The following CFAP20DC variants were observed in gnomAD, a reference collection of about 807,000 sequenced individuals.
CFAP20DC encodes the protein CFAP20 domain containing.
Under a neutral mutation model 101.7 loss-of-function variants are expected in CFAP20DC, and 84 were observed. That is an observed-to-expected ratio of 0.83 (90% CI 0.69 to 0.99). CFAP20DC has a LOEUF of 0.99. CFAP20DC is among the 50% of genes least tolerant of loss of function. The pLI is 0.00. For missense variants in CFAP20DC, 1,007 were observed against 970.3 expected, an observed-to-expected ratio of 1.04 and a Z score of -0.50; for synonymous variants, 359 against 351.2, an observed-to-expected ratio of 1.02 and a Z score of -0.25.
At chr3:58,999,204 C>A (rs1015769908) in intron 4 of CFAP20DC, among the ~76,000 whole-genome samples, 13 of 152,190 alleles carry the variant, frequency 8.5e-5, no homozygotes, top group Non-Finnish European at 1.6e-4. Flanking sequence ...GAGACTTGAA[C>A]AAGGTCAGTG....
chr3:58,731,470 A>G (rs1442903130), intron 3 of CFAP20DC, among the ~76,000 whole-genome samples: 4 of 152,226 alleles, frequency 2.6e-5, no homozygotes, highest in Non-Finnish European at 4.4e-5. Context: ...GTGCCAGCAA[A>G]AAAGGTGGTA....
At chr3:59,042,812 C>T (rs764420552) in intron 3 of CFAP20DC, among the ~76,000 whole-genome samples, 6 of 152,120 alleles carry the variant, frequency 3.9e-5, no homozygotes, top group African/African-American at 7.2e-5. Context: ...GTGGCTTTGG[C>T]CAGTAGCACT....
At chr3:58,816,556 C>A (rs1349066042) in intron 14 of CFAP20DC, among the ~76,000 whole-genome samples, 3 of 152,156 alleles carry the variant, frequency 2.0e-5, no homozygotes, top group Non-Finnish European at 2.9e-5. Context: ...TCGGGTGACT[C>A]CCACCCGAAT....
At chr3:58,752,809 G>A (rs996301337) in intron 16 of CFAP20DC, among the ~76,000 whole-genome samples, 1 of 152,008 alleles carries the variant, frequency 6.6e-6, no homozygotes, top group Non-Finnish European at 1.5e-5. Context: ...AGAAAAATGC[G>A]ATGCTCTACT....
At chr3:58,875,995 T>G (rs115624944) in intron 7 of CFAP20DC, among the ~76,000 whole-genome samples, 1,544 of 152,316 alleles carry the variant, frequency 0.01, 30 homozygotes, top group African/African-American at 0.034. Context: ...AAAACAGACA[T>G]TCTATATTTC....
intron 15 of CFAP20DC, among the ~76,000 whole-genome samples, chr3:58,784,895 G>A (rs2072179733): frequency 6.6e-6 from 1 of 152,068 alleles, no homozygotes; most frequent in African/African-American, 2.4e-5. Context: ...GCTAAAAACA[G>A]AACTACCATT....
intron 15 of CFAP20DC, among the ~76,000 whole-genome samples, chr3:58,760,511 T>C (rs1287714071): frequency 3.3e-5 from 5 of 152,274 alleles, no homozygotes; most frequent in Middle Eastern, 3.4e-3. Context: ...CTTTTCCTAA[T>C]TGAATACCCT....
chr3:58,884,716 A>C lies in CFAP20DC; in HGVS notation c.551-7T>G. On this transcript the variant is annotated splice_polypyrimidine_tract_variant and splice_region_variant and intron_variant, in intron 6 of 16. Transcript: ENST00000482387. The stretch of plus-strand genomic sequence containing the variant: ...AAGGGAACACCATAGACAGCTGGAA[A>C]TAAAGACAAACATTCATTTTCAAAA... 1 of 1,593,154 alleles carries C rather than the reference A, an allele frequency of 6.3e-7. No homozygotes were observed. The highest frequency in any genetic ancestry group is 8.6e-7 in the Non-Finnish European group (1 of 1,167,526).
chr3:58,808,891 CA>C (rs974561601), intron 14 of CFAP20DC, among the ~76,000 whole-genome samples: 1 of 151,678 alleles, frequency 6.6e-6, no homozygotes, highest in Non-Finnish European at 1.5e-5. Flanking sequence ...AAACGGAAAA[CA>C]AAAAAAGGCA....
chr3:58,759,657 T>C (rs1412543987), intron 15 of CFAP20DC, among the ~76,000 whole-genome samples: 1 of 152,244 alleles, frequency 6.6e-6, no homozygotes, highest in Non-Finnish European at 1.5e-5. Flanking sequence ...CTAGGGTTTT[T>C]ATGGTTTTAG....
intron 3 of CFAP20DC, among the ~76,000 whole-genome samples, chr3:58,723,443 A>C (rs2067500606): frequency 6.6e-6 from 1 of 152,248 alleles, no homozygotes; most frequent in Admixed American, 6.5e-5. Context: ...AGATGAAAGA[A>C]CACATAAGAT....
Position 58,861,692 on chromosome 3 carries a change from A to C in CFAP20DC, c.1593+1866T>G. On this transcript the variant is annotated intron_variant, in intron 12 of 16. Transcript: ENST00000482387. This position sits in a 1 kb window ranked among gnomAD's most constrained non-coding sequence, Gnocchi z 4.0. ...AAACCCCAAAGCTTGATAATGTGGC[A>C]GGTGTTTCCCCTCTCTCTGGCTGCC... 1.0e-6 allele frequency: 1 copy of C among 985,372 alleles called. No homozygotes were observed. The allele number at this position is 985,372 out of a possible 1,614,324, so 61.0% of individuals were successfully genotyped here.
At position 58,869,577 on chromosome 3, in the gene CFAP20DC, C is replaced by A; in HGVS notation, c.853-87G>T. On this transcript the variant is annotated intron_variant, in intron 8 of 16. Coordinates refer to ENST00000482387, the MANE Select transcript of CFAP20DC (RefSeq NM_001394063.1). This position sits in a 1 kb window ranked among gnomAD's most constrained non-coding sequence, Gnocchi z 4.3. ...CTATATAGAAAACATAATATTTGGA[C>A]CAATGAAGAGTGAGAAAAAAACTAG... 4.2e-5 allele frequency: 45 copies of A among 1,067,864 alleles called. No individual in the cohort carries two copies. Among genetic ancestry groups the A allele is most frequent in the South Asian group, 2.0e-4 (8 of 39,632 alleles). 66.1% of individuals were successfully genotyped at this position (1,067,864 alleles called of 1,614,324 possible). A position where few individuals can be genotyped will look rare whatever the true frequency, so the allele number is the denominator to read the frequency against.
chr3:58,717,409 G>C lies in CFAP20DC; in HGVS notation c.*179C>G. 1 of 226,218 alleles carries C rather than the reference G, an allele frequency of 4.4e-6. No homozygotes were observed. Among genetic ancestry groups the C allele is most frequent in the Admixed American group, 5.5e-5 (1 of 18,330 alleles). 14.0% of individuals were successfully genotyped at this position (226,218 alleles called of 1,614,324 possible). A position where few individuals can be genotyped will look rare whatever the true frequency, so the allele number is the denominator to read the frequency against. ...GTAATCTCTTTCCGCTCAAGTTCAT[G>C]AAACTCTGAATTGTGTCCAAGGATG... is the stretch of plus-strand genomic sequence containing the variant. On this transcript the variant is annotated 3_prime_UTR_variant, in exon 4 of 4. Transcript: ENST00000486145. This position sits in a 1 kb window ranked among gnomAD's most constrained non-coding sequence, Gnocchi z 4.1.
At chr3:58,900,819 G>A (rs1480805407) in intron 6 of CFAP20DC, among the ~76,000 whole-genome samples, 2 of 152,080 alleles carry the variant, frequency 1.3e-5, no homozygotes, top group East Asian at 3.8e-4. Flanking sequence ...CCTTTCTTTG[G>A]CCATAAAGCC....
Position 59,014,669 on chromosome 3 carries a change from G to A in CFAP20DC, c.278+24888C>T, listed in dbSNP as rs2093653578. Among the ~76,000 whole-genome samples the A allele has an allele frequency of 6.6e-6, 1 of 152,162 alleles. No individual in the cohort carries two copies. The highest frequency in any genetic ancestry group is 6.5e-5 in the Admixed American group (1 of 15,268). On this transcript the variant is annotated intron_variant, in intron 4 of 16. Transcript: ENST00000482387. The surrounding 1 kb of genome is among the most constrained non-coding windows in gnomAD (Gnocchi z 4.9). ...GTTAAGGAGTTAACAGACATCTGAT[G>A]TTTGAAGTGAGAGTAATTTATTTAC... is the stretch of plus-strand genomic sequence containing the variant.
chr3:58,870,695 T>C (rs1247094805), intron 7 of CFAP20DC, among the ~76,000 whole-genome samples: 11 of 148,888 alleles, frequency 7.4e-5, no homozygotes, highest in African/African-American at 2.7e-4. Flanking sequence ...GAGACCATCC[T>C]GGCTAACAAG....
intron 5 of CFAP20DC, among the ~76,000 whole-genome samples, chr3:58,921,508 A>G (rs2085367939): frequency 6.6e-6 from 1 of 152,170 alleles, no homozygotes; most frequent in Non-Finnish European, 1.5e-5. Flanking sequence ...TAGATGACTT[A>G]GAAGTATGTT....
At chr3:58,925,435 A>G (rs1042221376) in intron 5 of CFAP20DC, among the ~76,000 whole-genome samples, 2 of 152,208 alleles carry the variant, frequency 1.3e-5, no homozygotes, top group Non-Finnish European at 2.9e-5. Flanking sequence ...AATCTCCTCA[A>G]GGAGAAAGAC....
Sources: gnomAD v4.1 joint callset for allele counts (sites outside exome capture counted in the v4.1 genomes callset) on GRCh38, gnomAD v4.1.1 for gene constraint, Gnocchi (gnomAD v3.1) non-coding constraint, MANE v1.5 for transcripts, NCBI Gene and HGNC (gene_info 2026-07-23, HGNC 2026-07-21) for gene names.